MYO16: variants seen among roughly 807,000 people sequenced by gnomAD.
MYO16 encodes unconventional myosin-XVI.
A neutral mutation model predicts 205.3 loss-of-function variants in MYO16; 94 were observed. The ratio of observed to expected loss-of-function variants is 0.46; its 90% CI spans 0.39 to 0.54. The LOEUF (loss-of-function observed/expected upper bound fraction) is 0.54. Among genes scored for constraint, MYO16 ranks in the 20% least tolerant of loss-of-function variants. The pLI is 0.00. For missense variants in MYO16, 2,315 were observed against 2,387.5 expected (o/e 0.97, Z 0.63); for synonymous variants, 988 against 954.0 (o/e 1.04, Z -0.66).
intron 16 of MYO16, among the ~76,000 whole-genome samples, chr13:108,954,090 G>C (rs1291429247): frequency 6.6e-6 from 1 of 152,238 alleles, no homozygotes; most frequent in Admixed American, 6.5e-5. Context: ...ACATGCCGCT[G>C]TATTCGCACT....
chr13:108,582,775 A>G, the MYO16 span, among the ~76,000 whole-genome samples: 2 of 152,138 alleles, frequency 1.3e-5, no homozygotes. Flanking sequence ...AAACGAAGGC[A>G]AACTATTACA....
chr13:108,855,243 T>C (rs963485660), intron 10 of MYO16, 200 bp from the exon 11 acceptor site: 1 of 405,528 alleles, frequency 2.5e-6, no homozygotes, highest in South Asian at 5.9e-5. Flanking sequence ...GCACAAAAAT[T>C]CTCATCTGAA....
chr13:108,992,429 A>G lies in MYO16; in HGVS notation c.2423A>G (p.Gln808Arg), dbSNP rs746176627. The change falls in exon 21 of 35, where the codon CAA becomes CGA. Residue 808 changes from glutamine to arginine, a missense_variant. By Grantham distance (43) the Gln-to-Arg change is conservative (BLOSUM62 1). Coordinates refer to ENST00000457511, the MANE Select transcript of MYO16 (RefSeq NM_001198950.3). ...GACATTTTTGGTTTTGAAGAGTTTC[A>G]AAAGAATGAATTTGAACAAGTAAGT... Reference protein sequence around the residue: ...ILDIFGFEEFQKNEFEQLCVN... With the variant: ...ILDIFGFEEFRKNEFEQLCVN... 6.3e-7 allele frequency: 1 copy of G among 1,597,282 alleles called. No homozygotes were observed. The highest frequency in any genetic ancestry group is 2.2e-5 in the East Asian group (1 of 44,708).
chr13:108,588,366 T>C, the MYO16 span, among the ~76,000 whole-genome samples: 1 of 152,294 alleles, frequency 6.6e-6, no homozygotes, highest in Non-Finnish European at 1.5e-5. Context: ...CCTGCATCAT[T>C]ACTGGCTCAG....
chr13:109,145,105 A>C (rs951062511), intron 32 of MYO16, among the ~76,000 whole-genome samples: 1 of 152,224 alleles, frequency 6.6e-6, no homozygotes, highest in Non-Finnish European at 1.5e-5. Flanking sequence ...GTCTGAGAAG[A>C]AATATTTGCA....
chr13:108,937,344 G>A (rs1017465072), intron 16 of MYO16, among the ~76,000 whole-genome samples: 2 of 150,750 alleles, frequency 1.3e-5, no homozygotes, highest in Non-Finnish European at 3.0e-5. Flanking sequence ...TATATACCTC[G>A]GTGTTGTTCA....
At chr13:108,618,903 C>T (rs757238694) in intron 1 of MYO16, among the ~76,000 whole-genome samples, 84 of 152,130 alleles carry the variant, frequency 5.5e-4, no homozygotes, top group Non-Finnish European at 1.1e-3. Context: ...TAATGTATCT[C>T]TCTATATTTA....
intron 21 of MYO16, among the ~76,000 whole-genome samples, chr13:108,995,707 G>A (rs1302779587): frequency 6.6e-6 from 1 of 151,998 alleles, no homozygotes; most frequent in African/African-American, 2.4e-5. Context: ...TTTTGTCCTT[G>A]CGATGGTTTG....
intron 1 of MYO16, among the ~76,000 whole-genome samples, chr13:108,621,724 C>T (rs910392632): frequency 3.3e-5 from 5 of 152,138 alleles, no homozygotes; most frequent in African/African-American, 1.2e-4. Flanking sequence ...ATGCCTACGT[C>T]ATTCCCCTCA....
Position 109,163,541 on chromosome 13 carries a change from T to G in MYO16, c.5165-1360T>G, listed in dbSNP as rs575212499. Among the ~76,000 whole-genome samples the G allele has an allele frequency of 1.2e-4, 16 of 132,202 alleles. No individual in the cohort carries two copies. In the South Asian group the frequency reaches 4.4e-3, roughly 36 times the overall value. The allele number at this position is 132,202 out of a possible 152,430, so 86.7% of individuals were successfully genotyped here. On this transcript the variant is annotated intron_variant, in intron 32 of 34. Coordinates refer to ENST00000457511, the MANE Select transcript of MYO16 (RefSeq NM_001198950.3). ...CACCTCCCTCCTTCCCTCCCTCCCT[T>G]TCTTTCCTTTTTTGCTTTCTTTCAT...
rs573679685 is a variant in MYO16, at chr13:109,023,194, T to A, written c.2796+3283T>A. On this transcript the variant is annotated intron_variant, in intron 23 of 34. Transcript: ENST00000457511. The stretch of plus-strand genomic sequence containing the variant: ...AATTTATGTATATATTTATATATTA[T>A]ATATGAATATAAATTTATGTATATA... 2.6e-3 allele frequency among the ~76,000 whole-genome samples: 327 copies of A among 125,792 alleles called. 2 individuals carry two copies. Among genetic ancestry groups the A allele is most frequent in the African/African-American group, 9.5e-3 (318 of 33,632 alleles). 82.5% of individuals were successfully genotyped at this position (125,792 alleles called of 152,430 possible). A position where few individuals can be genotyped will look rare whatever the true frequency, so the allele number is the denominator to read the frequency against.
At chr13:108,606,343 G>T (rs1878957801) in intron 1 of MYO16, among the ~76,000 whole-genome samples, 1 of 152,168 alleles carries the variant, frequency 6.6e-6, no homozygotes, top group Admixed American at 6.5e-5. Flanking sequence ...AGAGGCCTAG[G>T]AGGGAAAAAT....
intron 3 of MYO16, among the ~76,000 whole-genome samples, chr13:108,714,181 G>A (rs1883838057): frequency 6.6e-6 from 1 of 152,112 alleles, no homozygotes; most frequent in African/African-American, 2.4e-5. Flanking sequence ...TCAGCCGCCT[G>A]AGTAGCTGGG....
chr13:108,677,695 C>A (rs950599344), intron 2 of MYO16, among the ~76,000 whole-genome samples: 1 of 152,078 alleles, frequency 6.6e-6, no homozygotes, highest in Non-Finnish European at 1.5e-5. Flanking sequence ...TTTCTTAGAG[C>A]TGCTCCCTTC....
At chr13:108,673,638 T>G (rs1301000501) in intron 2 of MYO16, among the ~76,000 whole-genome samples, 1 of 152,164 alleles carries the variant, frequency 6.6e-6, no homozygotes, top group Admixed American at 6.5e-5. Context: ...GGTTACCTCT[T>G]CTATTGATCT....
At chr13:108,784,646 CAT>C (rs1202879214) in intron 4 of MYO16, among the ~76,000 whole-genome samples, 1 of 152,082 alleles carries the variant, frequency 6.6e-6, no homozygotes, top group East Asian at 1.9e-4. Context: ...AAATGTGAAT[CAT>C]ATTTTATGTA....
intron 1 of MYO16, among the ~76,000 whole-genome samples, chr13:108,606,697 G>T (rs529158324): frequency 2.6e-5 from 4 of 152,320 alleles, no homozygotes; most frequent in African/African-American, 9.6e-5. Context: ...TCCCCACACA[G>T]AGTCCCCATT....
chr13:108,564,558 T>G, the MYO16 span, among the ~76,000 whole-genome samples: 3 of 152,212 alleles, frequency 2.0e-5, no homozygotes, highest in African/African-American at 7.2e-5. Flanking sequence ...TTATCTCTTG[T>G]CAGATGGGTA....
At chr13:108,789,304 C>G (rs1282789976) in intron 5 of MYO16, among the ~76,000 whole-genome samples, 1 of 152,178 alleles carries the variant, frequency 6.6e-6, no homozygotes, top group African/African-American at 2.4e-5. Context: ...CCACCCAGAT[C>G]ACAAATCATG....
Sources: allele counts gnomAD v4.1 joint callset (sites outside exome capture counted in the v4.1 genomes callset), GRCh38; gene constraint gnomAD v4.1.1; transcripts MANE v1.5; gene names NCBI Gene and HGNC (gene_info 2026-07-23, HGNC 2026-07-21).